The following TAF4B variants were observed in gnomAD, a reference collection of about 807,000 sequenced individuals.
The protein encoded by TAF4B is TATA-box binding protein associated factor 4b.
In TAF4B, 38 loss-of-function variants were observed where a neutral mutation model predicts 86.4. The observed-to-expected ratio is 0.44, with a 90% CI of 0.34 to 0.58. The LOEUF (loss-of-function observed/expected upper bound fraction) is 0.58, where lower values mean the gene tolerates loss of function less well. Ranked by LOEUF, TAF4B falls within the 20% of genes least tolerant of loss-of-function variation. TAF4B has a pLI of 0.02. For missense variants in TAF4B, 988 were observed against 1,027.6 expected (o/e 0.96, Z 0.53); for synonymous variants, 388 against 391.2 (o/e 0.99, Z 0.10).
intron 9 of TAF4B, among the ~76,000 whole-genome samples, chr18:26,298,601 T>A (rs1341288509): frequency 6.6e-6 from 1 of 152,054 alleles, no homozygotes; most frequent in Non-Finnish European, 1.5e-5. Flanking sequence ...GGTGCAATCC[T>A]AGCTCACTGC....
At chr18:26,293,893 T>C (rs774727943) in intron 9 of TAF4B, among the ~76,000 whole-genome samples, 2 of 152,190 alleles carry the variant, frequency 1.3e-5, no homozygotes, top group Non-Finnish European at 2.9e-5. Context: ...AAATGGAGTT[T>C]TACGTTATTA....
intron 13 of TAF4B, among the ~76,000 whole-genome samples, chr18:26,338,068 G>T (rs1015946019): frequency 1.3e-5 from 2 of 152,186 alleles, no homozygotes; most frequent in African/African-American, 4.8e-5. Flanking sequence ...TGTTTCAGCA[G>T]TGATATTTCT....
rs368111049 is a variant in TAF4B at position 26,293,574 on chromosome 18, T to A, written c.1832+43T>A. 5.2e-6 allele frequency: 7 copies of A among 1,358,098 alleles called. No homozygotes were observed. In the African/African-American group the frequency reaches 1.0e-4, roughly 20 times the overall value. 84.1% of individuals were successfully genotyped at this position (1,358,098 alleles called of 1,614,324 possible). A position where few individuals can be genotyped will look rare whatever the true frequency, so the allele number is the denominator to read the frequency against. ...TAAATTTGGTTTAAGGAAGTAATTT[T>A]TTTTTAAAAAGGAGAGATGACAGAA... On this transcript the variant is annotated intron_variant, in intron 9 of 14. Coordinates refer to ENST00000269142, the MANE Select transcript of TAF4B (RefSeq NM_005640.3).
At chr18:26,365,566 G>C (rs2057366263) in intron 14 of TAF4B, among the ~76,000 whole-genome samples, 1 of 152,164 alleles carries the variant, frequency 6.6e-6, no homozygotes, top group Admixed American at 6.5e-5. Flanking sequence ...TACCAGGTAA[G>C]AGGAAAAAGC....
At position 26,390,097 on chromosome 18, in the gene TAF4B, T is replaced by G; in HGVS notation, c.*85T>G. 7.3e-7 allele frequency: 1 copy of G among 1,372,564 alleles called. No homozygotes were observed. Among genetic ancestry groups the G allele is most frequent in the Non-Finnish European group, 9.8e-7 (1 of 1,017,534 alleles). 85.0% of individuals were successfully genotyped at this position (1,372,564 alleles called of 1,614,324 possible). ...GTTGCACTGTCCTGAAATTTCAATTTCTGGAAAATAATCACCAACATGAAA... is the reference window on the plus strand; with the variant it reads ...GTTGCACTGTCCTGAAATTTCAATTGCTGGAAAATAATCACCAACATGAAA... On this transcript the variant is annotated 3_prime_UTR_variant, in exon 15 of 15. Transcript: ENST00000269142.
chr18:26,354,080 A>ATGTT (rs1412034291), intron 13 of TAF4B, among the ~76,000 whole-genome samples: 1 of 152,056 alleles, frequency 6.6e-6, no homozygotes, highest in Non-Finnish European at 1.5e-5. Context: ...ACAACATTTG[A>ATGTT]TGTTTGTTTG....
chr18:26,367,082 G>A (rs2057376864), intron 14 of TAF4B, among the ~76,000 whole-genome samples: 1 of 152,284 alleles, frequency 6.6e-6, no homozygotes, highest in East Asian at 1.9e-4. Context: ...CATCCTAAAA[G>A]CACTATTCTA....
intron 12 of TAF4B, among the ~76,000 whole-genome samples, chr18:26,330,853 GTAA>G (rs2144691234): frequency 6.6e-6 from 1 of 152,210 alleles, no homozygotes; most frequent in Non-Finnish European, 1.5e-5. Flanking sequence ...TTTAATCAAT[GTAA>G]CTAATCTCTC....
chr18:26,265,081 G>A (rs2056219504), intron 1 of TAF4B, 89 bp from the exon 2 acceptor site: 1 of 1,337,926 alleles, frequency 7.5e-7, no homozygotes, highest in Non-Finnish European at 1.0e-6. Flanking sequence ...TCTTTTTAAA[G>A]TGTTGAAAGA....
At chr18:26,301,481 G>A (rs1343264376) in intron 9 of TAF4B, among the ~76,000 whole-genome samples, 2 of 151,862 alleles carry the variant, frequency 1.3e-5, no homozygotes, top group South Asian at 2.1e-4. Flanking sequence ...TTTTGTAGAG[G>A]TGGGGTCTTG....
At chr18:26,282,614 G>C (rs1402181225) in intron 6 of TAF4B, among the ~76,000 whole-genome samples, 1 of 152,158 alleles carries the variant, frequency 6.6e-6, no homozygotes, top group African/African-American at 2.4e-5. Context: ...CAAGGTGGTG[G>C]TCACTGAAGG....
At chr18:26,310,479 G>T (rs2056842482) in intron 9 of TAF4B, among the ~76,000 whole-genome samples, 1 of 152,176 alleles carries the variant, frequency 6.6e-6, no homozygotes, top group Non-Finnish European at 1.5e-5. Context: ...TTAAAGCATA[G>T]AAGAAGGAAT....
chr18:26,306,073 G>A (rs2056791557), intron 9 of TAF4B, among the ~76,000 whole-genome samples: 1 of 152,220 alleles, frequency 6.6e-6, no homozygotes, highest in Admixed American at 6.5e-5. Context: ...ATCACGGTCT[G>A]TGGTGTTAGG....
intron 14 of TAF4B, among the ~76,000 whole-genome samples, chr18:26,388,326 T>A (rs1978498313): frequency 6.6e-6 from 1 of 152,228 alleles, no homozygotes; most frequent in East Asian, 1.9e-4. Context: ...GAGTGTTGTG[T>A]TTTCATCATT....
chr18:26,289,090 C>T (rs188440387), intron 7 of TAF4B, among the ~76,000 whole-genome samples: 2 of 152,290 alleles, frequency 1.3e-5, no homozygotes, highest in African/African-American at 2.4e-5. Flanking sequence ...AGCAAAACAA[C>T]ATAAACCATT....
intron 11 of TAF4B, among the ~76,000 whole-genome samples, chr18:26,325,477 T>C (rs1353834009): frequency 6.6e-6 from 1 of 152,124 alleles, no homozygotes; most frequent in Non-Finnish European, 1.5e-5. Flanking sequence ...AGACTTAATA[T>C]GAATAGGGAG....
chr18:26,372,082 A>T (rs1167910696), intron 14 of TAF4B, among the ~76,000 whole-genome samples: 1 of 152,190 alleles, frequency 6.6e-6, no homozygotes, highest in African/African-American at 2.4e-5. Flanking sequence ...TGAACCCACA[A>T]CATGGTTATT....
intron 9 of TAF4B, among the ~76,000 whole-genome samples, chr18:26,307,510 T>C (rs1416913240): frequency 6.6e-6 from 1 of 152,220 alleles, no homozygotes; most frequent in African/African-American, 2.4e-5. Flanking sequence ...AATATCAATA[T>C]TTTTATGTGA....
At chr18:26,231,637 G>A (rs1178873523) in intron 1 of TAF4B, among the ~76,000 whole-genome samples, 2 of 152,070 alleles carry the variant, frequency 1.3e-5, no homozygotes, top group African/African-American at 4.8e-5. Flanking sequence ...GCAGGCATGA[G>A]CCACTGTGCC....
Sources: gnomAD v4.1 joint callset for allele counts (sites outside exome capture counted in the v4.1 genomes callset) on GRCh38, gnomAD v4.1.1 for gene constraint, MANE v1.5 for transcripts, NCBI Gene and HGNC (gene_info 2026-07-23, HGNC 2026-07-21) for gene names.